The following SUPT4H1 variants were observed in gnomAD, a reference collection of about 807,000 sequenced individuals.
The protein encoded by SUPT4H1 is SPT4 homolog, DSIF elongation factor subunit.
In SUPT4H1, 12 loss-of-function variants were observed where a neutral mutation model predicts 19.4. That is an observed-to-expected ratio of 0.62 (90% CI 0.40 to 1.00). The LOEUF is 1.00. Among genes scored for constraint, SUPT4H1 ranks in the 50% least tolerant of loss-of-function variants. The pLI is 0.00. For synonymous variants in SUPT4H1, 58 were observed against 56.3 expected, an observed-to-expected ratio of 1.03 and a Z score of -0.14; for missense variants, 115 against 149.2, an observed-to-expected ratio of 0.77 and a Z score of 1.19.
intron 4 of SUPT4H1, among the ~76,000 whole-genome samples, chr17:58,346,818 T>C (rs978541434): frequency 6.6e-6 from 1 of 150,418 alleles, no homozygotes; most frequent in Non-Finnish European, 1.5e-5. Context: ...GAGGGATACA[T>C]GTAGTCATCA....
rs1972279254 is a variant in SUPT4H1 at position 58,346,107 on chromosome 17, A to C, written c.*139T>G. Reference sequence around the variant, plus strand: ...CCAAAGAAGATAAAATGATAAAATGATGTGCTGCTCTCTCAACAGTCAGCT... The same window carrying C: ...CCAAAGAAGATAAAATGATAAAATGCTGTGCTGCTCTCTCAACAGTCAGCT... On this transcript the variant is annotated 3_prime_UTR_variant, in exon 5 of 5. Transcript: ENST00000225504. The C allele has an allele frequency of 1.8e-5, 12 of 667,916 alleles. No homozygotes were observed. In the South Asian group the frequency reaches 2.1e-4, roughly 12 times the overall value. 41.4% of individuals were successfully genotyped at this position (667,916 alleles called of 1,614,324 possible). A position where few individuals can be genotyped will look rare whatever the true frequency, so the allele number is the denominator to read the frequency against.
intron 2 of SUPT4H1, among the ~76,000 whole-genome samples, chr17:58,350,158 C>T (rs989082798): frequency 2.0e-5 from 3 of 151,838 alleles, no homozygotes; most frequent in Middle Eastern, 3.2e-3. Flanking sequence ...TGGTGGTGGG[C>T]GCCTGTAATC....
At chr17:58,350,917 A>T (rs973993250) in intron 2 of SUPT4H1, among the ~76,000 whole-genome samples, 7 of 152,010 alleles carry the variant, frequency 4.6e-5, no homozygotes, top group African/African-American at 1.7e-4. Context: ...CATTTTCAAA[A>T]AAAATTTTCA....
In SUPT4H1 at chr17:58,345,553, T is replaced by C. The variant is rs1376292415; in HGVS notation, c.*693A>G. 1 of 151,936 alleles carries C rather than the reference T, an allele frequency of 6.6e-6. No individual in the cohort carries two copies. Among genetic ancestry groups the C allele is most frequent in the Admixed American group, 6.6e-5 (1 of 15,226 alleles). 9.4% of individuals were successfully genotyped at this position (151,936 alleles called of 1,614,324 possible). A position where few individuals can be genotyped will look rare whatever the true frequency, so the allele number is the denominator to read the frequency against. On this transcript the variant is annotated 3_prime_UTR_variant, in exon 5 of 5. Transcript: ENST00000225504. ...GAGTGCTTGAGACTGGCCTAAGGTA[T>C]AGGAAGAGCCGTGAAGAGAAGAAAA...
chr17:58,351,524 A>T lies in SUPT4H1; in HGVS notation c.70-16T>A. 2 of 1,555,342 alleles carry T rather than the reference A, an allele frequency of 1.3e-6. No homozygotes were observed. Among genetic ancestry groups the T allele is most frequent in the Non-Finnish European group, 1.8e-6 (2 of 1,128,436 alleles). On this transcript the variant is annotated splice_polypyrimidine_tract_variant and intron_variant, in intron 1 of 4. Transcript: ENST00000225504. ...GGTCTATAGTCTGGGAGTGAAAGAA[A>T]AATAAAGGAAAAGGAGAGATAAGCA...
At chr17:58,348,526 T>G (rs192016568) in intron 2 of SUPT4H1, among the ~76,000 whole-genome samples, 4 of 152,308 alleles carry the variant, frequency 2.6e-5, no homozygotes, top group African/African-American at 9.6e-5. Context: ...TAGGCATGTA[T>G]GCAGGCCATC....
chr17:58,352,045 C>A, intron 1 of SUPT4H1, 22 bp downstream of exon 1: 1 of 1,613,838 alleles, frequency 6.2e-7, no homozygotes, highest in Non-Finnish European at 8.5e-7. Flanking sequence ...ATGGGCCCTA[C>A]AACCAGGTCC....
At chr17:58,346,487 G>C in intron 4 of SUPT4H1, 174 bp from the exon 5 acceptor site, 1 of 592,556 alleles carries the variant, frequency 1.7e-6, no homozygotes, top group Non-Finnish European at 3.1e-6. Context: ...CACTTTGGGA[G>C]GTCAAGGTGG....
At chr17:58,348,080 TGA>T (rs1210625193) in intron 2 of SUPT4H1, among the ~76,000 whole-genome samples, 1 of 152,152 alleles carries the variant, frequency 6.6e-6, no homozygotes, top group African/African-American at 2.4e-5. Context: ...ATCAGTAAGC[TGA>T]GACTCAAAGG....
At chr17:58,350,357 C>A (rs1307493996) in intron 2 of SUPT4H1, among the ~76,000 whole-genome samples, 1 of 149,216 alleles carries the variant, frequency 6.7e-6, no homozygotes, top group Non-Finnish European at 1.5e-5. Flanking sequence ...ACTAAAAATA[C>A]AAAAATTAGC....
Position 58,352,152 on chromosome 17 carries a change from A to G in SUPT4H1, c.-17T>C. Reference sequence around the variant, plus strand: ...CAGGGCCATCTTCGCCGATGGGAAGAACAACAGGGAGATAGACGACCACAG... The same window carrying G: ...CAGGGCCATCTTCGCCGATGGGAAGGACAACAGGGAGATAGACGACCACAG... On this transcript the variant is annotated 5_prime_UTR_variant, in exon 1 of 5. Coordinates refer to ENST00000225504, the MANE Select transcript of SUPT4H1 (RefSeq NM_003168.3). The G allele has an allele frequency of 6.2e-7, 1 of 1,613,668 alleles. No homozygotes were observed. The highest frequency in any genetic ancestry group is 8.5e-7 in the Non-Finnish European group (1 of 1,179,662).
In SUPT4H1 at chr17:58,351,521, G is replaced by C; in HGVS notation, c.70-13C>G. ...ACTGGTCTATAGTCTGGGAGTGAAA[G>C]AAAAATAAAGGAAAAGGAGAGATAA... On this transcript the variant is annotated splice_polypyrimidine_tract_variant and intron_variant, in intron 1 of 4. Transcript: ENST00000225504. 2 of 1,565,388 alleles carry C rather than the reference G, an allele frequency of 1.3e-6. No homozygotes were observed. Among genetic ancestry groups the C allele is most frequent in the South Asian group, 2.2e-5 (2 of 89,008 alleles).
chr17:58,346,706 G>C (rs1301241815), intron 4 of SUPT4H1, among the ~76,000 whole-genome samples: 1 of 127,230 alleles, frequency 7.9e-6, no homozygotes, highest in Non-Finnish European at 1.6e-5. Flanking sequence ...CTGGGTGACA[G>C]AGACTCTGTC....
chr17:58,351,675 C>G, intron 1 of SUPT4H1, 167 bp from the exon 2 acceptor site: 1 of 591,030 alleles, frequency 1.7e-6, no homozygotes, highest in Middle Eastern at 3.8e-4. Flanking sequence ...TTCCTAAGTC[C>G]CACCCTCCCA....
chr17:58,351,363 G>A, intron 2 of SUPT4H1, 39 bp downstream of exon 2: 1 of 1,425,976 alleles, frequency 7.0e-7, no homozygotes, highest in Non-Finnish European at 9.9e-7. Flanking sequence ...TGCAGGTTGG[G>A]TAATGCAGAA....
At chr17:58,348,262 G>A (rs1233655543) in intron 2 of SUPT4H1, among the ~76,000 whole-genome samples, 1 of 152,186 alleles carries the variant, frequency 6.6e-6, no homozygotes, top group African/African-American at 2.4e-5. Context: ...AGATGGGTAA[G>A]CATTTTTGTC....
chr17:58,349,420 T>C (rs992161961), intron 2 of SUPT4H1, among the ~76,000 whole-genome samples: 3 of 152,258 alleles, frequency 2.0e-5, no homozygotes, highest in African/African-American at 7.2e-5. Flanking sequence ...TGAGCACATT[T>C]GAAGTAGGCT....
intron 4 of SUPT4H1, 123 bp downstream of exon 4, chr17:58,347,065 C>T: frequency 1.0e-6 from 1 of 962,738 alleles, no homozygotes; most frequent in Non-Finnish European, 1.6e-6. Context: ...CTCTCTGTGC[C>T]TGGTTCCCCC....
rs555096600 is a variant in SUPT4H1 at position 58,345,364 on chromosome 17, T to C, written c.*882A>G. On this transcript the variant is annotated 3_prime_UTR_variant, in exon 5 of 5. Coordinates refer to ENST00000225504, the MANE Select transcript of SUPT4H1 (RefSeq NM_003168.3). ...TTTCTGTGGAAATTTAAATGAGAAT[T>C]TGTGGTAAATTTTTTTATCCTAAAA... is the stretch of plus-strand genomic sequence containing the variant. The C allele has an allele frequency of 3.9e-5, 6 of 152,134 alleles. No homozygotes were observed. The highest frequency in any genetic ancestry group is 2.9e-5 in the Non-Finnish European group (2 of 67,994). The allele number at this position is 152,134 out of a possible 1,614,324, so 9.4% of individuals were successfully genotyped here. A position where few individuals can be genotyped will look rare whatever the true frequency, so the allele number is the denominator to read the frequency against.
Sources: allele counts gnomAD v4.1 joint callset (sites outside exome capture counted in the v4.1 genomes callset), GRCh38; gene constraint gnomAD v4.1.1; transcripts MANE v1.5; gene names NCBI Gene and HGNC (gene_info 2026-07-23, HGNC 2026-07-21).